BRF1: variants seen among roughly 807,000 people sequenced by gnomAD.
BRF1 encodes the protein transcription factor IIIB 90 kDa subunit.
In BRF1, 59 loss-of-function variants were observed where a neutral mutation model predicts 81.7. That is an observed-to-expected ratio of 0.72 (90% CI 0.59 to 0.90). The LOEUF is 0.90. Ranked by LOEUF, BRF1 falls within the 40% of genes least tolerant of loss-of-function variation. The probability of loss-of-function intolerance (pLI) is 0.00; values close to 1 mark genes in which losing one functional copy is unlikely to be tolerated. For missense variants in BRF1, 1,050 were observed against 936.3 expected, an observed-to-expected ratio of 1.12 and a Z score of -1.58; for synonymous variants, 491 against 395.6, an observed-to-expected ratio of 1.24 and a Z score of -2.86.
intron 1 of BRF1, among the ~76,000 whole-genome samples, chr14:105,311,063 C>T (rs1029247292): frequency 2.0e-5 from 3 of 152,110 alleles, no homozygotes; most frequent in African/African-American, 7.2e-5. Flanking sequence ...AGCGATTCTC[C>T]TGCCTCAGCC....
intron 2 of BRF1, among the ~76,000 whole-genome samples, chr14:105,279,999 T>C (rs974523363): frequency 3.9e-5 from 6 of 152,186 alleles, no homozygotes; most frequent in Non-Finnish European, 7.3e-5. Context: ...GAGCACAAAA[T>C]GGCTCAGGTG....
intron 5 of BRF1, chr14:105,246,906 C>G: frequency 1.0e-6 from 1 of 985,504 alleles, no homozygotes; most frequent in Non-Finnish European, 1.2e-6. Context: ...CCCCCGGAGA[C>G]AGCTGTCGCC....
upstream of BRF1, among the ~76,000 whole-genome samples, chr14:105,303,428 A>G (rs1053550355): frequency 7.9e-5 from 12 of 151,430 alleles, no homozygotes; most frequent in Non-Finnish European, 1.6e-4. Context: ...TATTTTTAGT[A>G]GAGACAGGGT....
At position 105,284,185 on chromosome 14, in the gene BRF1, C is replaced by T. The variant is rs1320945103; in HGVS notation, c.265+2111G>A. Among the ~76,000 whole-genome samples the T allele has an allele frequency of 6.6e-6, 1 of 152,166 alleles. No individual in the cohort carries two copies. The highest frequency in any genetic ancestry group is 6.5e-5 in the Admixed American group (1 of 15,272). On this transcript the variant is annotated intron_variant, in intron 2 of 17. Coordinates refer to ENST00000547530, the MANE Select transcript of BRF1 (RefSeq NM_001519.4). The surrounding 1 kb of genome is among the most constrained non-coding windows in gnomAD (Gnocchi z 4.0). The stretch of plus-strand genomic sequence containing the variant: ...CACGTCCACAAAACTGGCCTTCCAC[C>T]CGGCCACGGCTCGAAGCATTTCCGA...
Position 105,211,269 on chromosome 14 carries a change from G to T in BRF1, c.1849C>A (p.Leu617Ile). ...GEALLPSSPT[L>I]GAEPARPQAV... ...TGGGGCCTGGCAGGCTCAGCTCCGA[G>T]GGTGGGAGAGCTTGGGAGCAAAGCC... Residue 617 changes from leucine to isoleucine, a missense_variant, in exon 17 of 18, where the codon CTC (leucine) becomes ATC (isoleucine). Leu to Ile is a conservative substitution (Grantham distance 5). Transcript: ENST00000547530. 6.2e-7 allele frequency: 1 copy of T among 1,603,744 alleles called. No individual in the cohort carries two copies.
Position 105,210,483 on chromosome 14 carries a change from AGCCC to A in BRF1, c.*64_*67del. 3 of 1,581,418 alleles carry A rather than the reference AGCCC, an allele frequency of 1.9e-6. No homozygotes were observed. In the Middle Eastern group the frequency reaches 5.1e-4, roughly 267 times the overall value. On this transcript the variant is annotated 3_prime_UTR_variant, in exon 18 of 18. Coordinates refer to ENST00000547530, the MANE Select transcript of BRF1 (RefSeq NM_001519.4). The surrounding 1 kb of genome is among the most constrained non-coding windows in gnomAD (Gnocchi z 4.7). ...GGGGCCTGCCTGCTGCGGTCCTGGAAGCCCGTCTGATGCTGAGGAGACCCGCGAG... is the reference window on the plus strand; with the variant it reads ...GGGGCCTGCCTGCTGCGGTCCTGGAAGTCTGATGCTGAGGAGACCCGCGAG...
At chr14:105,306,094 C>G (rs780876535) in intron 1 of BRF1, among the ~76,000 whole-genome samples, 10 of 152,190 alleles carry the variant, frequency 6.6e-5, no homozygotes, top group Non-Finnish European at 1.3e-4. Flanking sequence ...GTAGGTGTTG[C>G]ACTGAAATGA....
At chr14:105,219,391 G>T in intron 12 of BRF1, 159 bp from the exon 13 acceptor site, 1 of 1,417,222 alleles carries the variant, frequency 7.1e-7, no homozygotes, top group East Asian at 2.5e-5. Context: ...CTCATCGCGC[G>T]GGGCGAGTTG....
At chr14:105,300,401 A>G (rs1002289751) in intron 1 of BRF1, 45 bp downstream of exon 1, 2 of 1,479,940 alleles carry the variant, frequency 1.4e-6, no homozygotes, top group Non-Finnish European at 8.9e-7. Flanking sequence ...CAGCCCGCCT[A>G]AGCCGCACCG....
At chr14:105,249,050 C>G in intron 5 of BRF1, 6 of 1,286,030 alleles carry the variant, frequency 4.7e-6, no homozygotes, top group South Asian at 2.5e-5. Context: ...AGGAGAGCCC[C>G]GGCTGGCGGT....
At chr14:105,260,799 C>T (rs1425512001) in intron 3 of BRF1, among the ~76,000 whole-genome samples, 1 of 152,224 alleles carries the variant, frequency 6.6e-6, no homozygotes, top group Non-Finnish European at 1.5e-5. Context: ...GCACTTGATC[C>T]GCATTCACCT....
Position 105,254,986 on chromosome 14 carries a change from G to GC in BRF1, c.471+1531dup, listed in dbSNP as rs34516828. Among the ~76,000 whole-genome samples the GC allele has an allele frequency of 3.9e-4, 60 of 152,132 alleles. No homozygotes were observed. The South Asian group carries it at 5.8e-3, about 15-fold the overall frequency. On this transcript the variant is annotated intron_variant, in intron 4 of 17. Coordinates refer to ENST00000547530, the MANE Select transcript of BRF1 (RefSeq NM_001519.4). The stretch of plus-strand genomic sequence containing the variant: ...AGGTCAGGGTGGGGCACAGCCAGCT[G>GC]CCCCCCCCATCTCTCTTCCTGGGCA...
intron 6 of BRF1, among the ~76,000 whole-genome samples, chr14:105,241,063 C>G (rs1007504760): frequency 6.6e-6 from 1 of 152,232 alleles, no homozygotes; most frequent in African/African-American, 2.4e-5. Flanking sequence ...TATGCCAGGA[C>G]ACGCAGAGGC....
At chr14:105,261,774 C>T (rs2056165625) in intron 3 of BRF1, among the ~76,000 whole-genome samples, 1 of 152,242 alleles carries the variant, frequency 6.6e-6, no homozygotes, top group African/African-American at 2.4e-5. Context: ...CCACCCTGAG[C>T]GGACACCAGC....
At chr14:105,281,209 T>G (rs1255625089) in intron 2 of BRF1, among the ~76,000 whole-genome samples, 1 of 136,088 alleles carries the variant, frequency 7.3e-6, no homozygotes, top group East Asian at 2.3e-4. Context: ...AGCCCGGGTG[T>G]GTGGATACAG....
At chr14:105,288,167 TAGA>T (rs587695094) in intron 1 of BRF1, among the ~76,000 whole-genome samples, 1 of 152,314 alleles carries the variant, frequency 6.6e-6, no homozygotes, top group African/African-American at 2.4e-5. Context: ...CAAGAAGCTG[TAGA>T]AGGTCCGGGC....
At chr14:105,247,188 T>G (rs939284632) in intron 5 of BRF1, 26 of 985,346 alleles carry the variant, frequency 2.6e-5, no homozygotes, top group African/African-American at 3.5e-5. Context: ...GGTGTGTCCT[T>G]GGCGGGTGCA....
chr14:105,227,572 C>A (rs1219614238), intron 7 of BRF1: 1 of 152,358 alleles, frequency 6.6e-6, no homozygotes, highest in African/African-American at 2.4e-5. Flanking sequence ...CGGACCTCTG[C>A]TCACTAGGAG....
At chr14:105,275,507 G>A (rs939851869) in intron 2 of BRF1, among the ~76,000 whole-genome samples, 4 of 152,266 alleles carry the variant, frequency 2.6e-5, no homozygotes, top group Non-Finnish European at 5.9e-5. Context: ...CCGTCCCCGC[G>A]GCCCAGCAAG....
Sources: allele counts gnomAD v4.1 joint callset (sites outside exome capture counted in the v4.1 genomes callset), GRCh38; gene constraint gnomAD v4.1.1; non-coding constraint Gnocchi (gnomAD v3.1); transcripts MANE v1.5; gene names NCBI Gene and HGNC (gene_info 2026-07-23, HGNC 2026-07-21).